DSCAM: variants seen among roughly 807,000 people sequenced by gnomAD.
The protein encoded by DSCAM is DS cell adhesion molecule, also known as cell adhesion molecule DSCAM.
In DSCAM, 47 loss-of-function variants were observed where a neutral mutation model predicts 217.7. That is an observed-to-expected ratio of 0.22 (90% CI 0.17 to 0.28). The LOEUF is 0.28. DSCAM is among the 10% of genes least tolerant of loss of function. The pLI, the probability that DSCAM is intolerant of heterozygous loss-of-function variation, is 1.00. For missense variants in DSCAM, 2,080 were observed against 2,618.3 expected, an observed-to-expected ratio of 0.79 and a Z score of 4.49; for synonymous variants, 1,056 against 1,015.3, an observed-to-expected ratio of 1.04 and a Z score of -0.76.
chr21:40,195,654 C>T (rs183033943), intron 11 of DSCAM, among the ~76,000 whole-genome samples: 21 of 152,190 alleles, frequency 1.4e-4, no homozygotes, highest in African/African-American at 5.1e-4. Flanking sequence ...TCCAGGCATT[C>T]AGAGCAGATA....
At chr21:40,099,075 T>A (rs1461100390) in intron 20 of DSCAM, among the ~76,000 whole-genome samples, 1 of 152,242 alleles carries the variant, frequency 6.6e-6, no homozygotes, top group African/African-American at 2.4e-5. Context: ...GTGCAAATTC[T>A]AACAATTACT....
intron 19 of DSCAM, among the ~76,000 whole-genome samples, chr21:40,132,931 T>A: frequency 6.6e-6 from 1 of 152,138 alleles, no homozygotes; most frequent in East Asian, 1.9e-4. Flanking sequence ...GGCCAACAGC[T>A]TTCCCGCCCC....
At chr21:40,778,853 C>T (rs1242906951) in intron 1 of DSCAM, among the ~76,000 whole-genome samples, 1 of 151,494 alleles carries the variant, frequency 6.6e-6, no homozygotes, top group African/African-American at 2.4e-5. Context: ...GGAGAAAACC[C>T]ATCTCTACTA....
At chr21:40,215,301 G>A (rs2091232539) in intron 11 of DSCAM, among the ~76,000 whole-genome samples, 1 of 136,216 alleles carries the variant, frequency 7.3e-6, no homozygotes, top group Non-Finnish European at 1.6e-5. Context: ...ATCAATCCAT[G>A]AATGGATAAA....
At chr21:40,062,977 A>G (rs1403980154) in intron 27 of DSCAM, 78 bp from the exon 28 acceptor site, 13 of 1,336,224 alleles carry the variant, frequency 9.7e-6, no homozygotes, top group Non-Finnish European at 1.3e-5. Flanking sequence ...CAAATACTCT[A>G]CAGTCAGATC....
In DSCAM at chr21:40,187,740, G is replaced by C. The variant is rs1022751584; in HGVS notation, c.2650+151C>G. On this transcript the variant is annotated intron_variant, in intron 13 of 32. Transcript: ENST00000400454. ...ATAATCCCAGGCACTGCAAAATTCT[G>C]CTTTAGCACTGACATTATACATATT... is the stretch of plus-strand genomic sequence containing the variant. 6 of 747,118 alleles carry C rather than the reference G, an allele frequency of 8.0e-6. No individual in the cohort carries two copies. In the African/African-American group the frequency reaches 8.7e-5, roughly 11 times the overall value. 46.3% of individuals were successfully genotyped at this position (747,118 alleles called of 1,614,324 possible).
chr21:40,213,707 G>C (rs74912242), intron 11 of DSCAM, among the ~76,000 whole-genome samples: 1,894 of 152,300 alleles, frequency 0.012, 40 homozygotes, highest in African/African-American at 0.042. Flanking sequence ...GGATGCCAGG[G>C]ATGGAGGGGT....
intron 1 of DSCAM, among the ~76,000 whole-genome samples, chr21:40,825,018 C>T (rs1175183098): frequency 6.6e-6 from 1 of 152,200 alleles, no homozygotes; most frequent in Non-Finnish European, 1.5e-5. Flanking sequence ...CTTTTAGAAG[C>T]TGTGAGCATG....
At chr21:40,403,562 G>A (rs2075256179) in intron 3 of DSCAM, among the ~76,000 whole-genome samples, 1 of 151,934 alleles carries the variant, frequency 6.6e-6, no homozygotes, top group South Asian at 2.1e-4. Flanking sequence ...TCTTACATGG[G>A]TGGTTTGGCA....
intron 1 of DSCAM, among the ~76,000 whole-genome samples, chr21:40,823,936 G>A (rs974664493): frequency 2.6e-5 from 4 of 151,356 alleles, no homozygotes; most frequent in African/African-American, 7.3e-5. Context: ...TTGCAGAAAC[G>A]CAAATTTCAC....
intron 6 of DSCAM, among the ~76,000 whole-genome samples, chr21:40,342,520 G>T (rs544326843): frequency 6.6e-6 from 1 of 150,746 alleles, no homozygotes; most frequent in Admixed American, 6.6e-5. Context: ...TATGAAGTGT[G>T]ATGTAGGGAT....
chr21:40,586,727 C>T (rs912093797), intron 3 of DSCAM, among the ~76,000 whole-genome samples: 1 of 152,144 alleles, frequency 6.6e-6, no homozygotes, highest in Non-Finnish European at 1.5e-5. Flanking sequence ...AAGATCCATG[C>T]TTGAAACCCA....
In DSCAM at chr21:40,078,929, G is replaced by A. The variant is rs1735378658; in HGVS notation, c.4469C>T (p.Thr1490Ile). The change falls in exon 26 of 33, where the codon ACA becomes ATA. Residue 1490 changes from threonine to isoleucine, a missense_variant. Thr to Ile is a moderately conservative substitution (Grantham distance 89, BLOSUM62 -1). Coordinates refer to ENST00000400454, the MANE Select transcript of DSCAM (RefSeq NM_001389.5). ...GCCAATGAGGTTCAGCCTCACGCGT[G>A]TGGTGTTGATGCTGGCAAACAGCTC... ...EQELFASINT[T>I]RVRLNLIGWN... 1 of 1,614,238 alleles carries A rather than the reference G, an allele frequency of 6.2e-7. No homozygotes were observed. The highest frequency in any genetic ancestry group is 8.5e-7 in the Non-Finnish European group (1 of 1,180,032).
At chr21:40,708,373 T>C (rs1290599077) in intron 2 of DSCAM, 81 bp downstream of exon 2, 14 of 1,204,510 alleles carry the variant, frequency 1.2e-5, no homozygotes, top group African/African-American at 3.1e-5. Flanking sequence ...TCTGCTGTGA[T>C]GGCATTTTGC....
intron 3 of DSCAM, among the ~76,000 whole-genome samples, chr21:40,666,628 C>T (rs2090203552): frequency 6.6e-6 from 1 of 152,170 alleles, no homozygotes; most frequent in Non-Finnish European, 1.5e-5. Context: ...ATGGTAAAGC[C>T]CCCGGTGGTT....
At chr21:40,682,303 G>T (rs2146425227) in intron 3 of DSCAM, among the ~76,000 whole-genome samples, 1 of 152,100 alleles carries the variant, frequency 6.6e-6, no homozygotes, top group Non-Finnish European at 1.5e-5. Context: ...GACCAATACA[G>T]AAAGTGGATG....
intron 3 of DSCAM, among the ~76,000 whole-genome samples, chr21:40,413,513 A>G (rs533223171): frequency 6.6e-5 from 10 of 152,198 alleles, no homozygotes; most frequent in Non-Finnish European, 1.5e-4. Context: ...TGGGACTTAC[A>G]TGGGGCCTGT....
chr21:40,215,603 T>C (rs1000797821), intron 11 of DSCAM, among the ~76,000 whole-genome samples: 1 of 151,992 alleles, frequency 6.6e-6, no homozygotes, highest in African/African-American at 2.4e-5. Flanking sequence ...AGCTAAGCTA[T>C]AGGTATGCCA....
chr21:40,500,058 C>T (rs927054383), intron 3 of DSCAM, among the ~76,000 whole-genome samples: 1 of 152,080 alleles, frequency 6.6e-6, no homozygotes, highest in Admixed American at 6.6e-5. Flanking sequence ...AGATTACAGG[C>T]GTCAGGCGTG....
Sources: gnomAD v4.1 joint callset for allele counts (sites outside exome capture counted in the v4.1 genomes callset) on GRCh38, gnomAD v4.1.1 for gene constraint, MANE v1.5 for transcripts, NCBI Gene and HGNC (gene_info 2026-07-23, HGNC 2026-07-21) for gene names.